Variants in ITGBL1 observed in about 807,000 individuals in gnomAD.
ITGBL1 encodes integrin subunit beta like 1.
In ITGBL1, 51 loss-of-function variants were observed where a neutral mutation model predicts 68.5. That is an observed-to-expected ratio of 0.74 (90% CI 0.59 to 0.94). ITGBL1 has a LOEUF of 0.94. Among genes scored for constraint, ITGBL1 ranks in the 40% least tolerant of loss-of-function variants. ITGBL1 has a pLI of 0.00. For synonymous variants in ITGBL1, 209 were observed against 227.3 expected (o/e 0.92, Z 0.72); for missense variants, 649 against 647.4 (o/e 1.00, Z -0.03).
intron 2 of ITGBL1, among the ~76,000 whole-genome samples, chr13:101,483,469 T>C (rs565351368): frequency 6.6e-6 from 1 of 152,326 alleles, no homozygotes; most frequent in East Asian, 1.9e-4. Context: ...ACTGAAGTTA[T>C]TGATGAAAGA....
intron 3 of ITGBL1, among the ~76,000 whole-genome samples, chr13:101,572,745 G>A (rs1041751308): frequency 1.3e-5 from 2 of 152,060 alleles, no homozygotes; most frequent in African/African-American, 2.4e-5. Flanking sequence ...CCGATGTGTG[G>A]ATGAGAGGGA....
At chr13:101,619,903 C>CCAGT (rs2031516620) in intron 7 of ITGBL1, among the ~76,000 whole-genome samples, 1 of 152,202 alleles carries the variant, frequency 6.6e-6, no homozygotes, top group Non-Finnish European at 1.5e-5. Context: ...TAAAATGAAA[C>CCAGT]CAGTCCTCTT....
rs1006418136 is a variant in ITGBL1 at position 101,479,699 on chromosome 13, T to C, written c.316+25599T>C. On this transcript the variant is annotated intron_variant, in intron 2 of 10. Coordinates refer to ENST00000376180, the MANE Select transcript of ITGBL1 (RefSeq NM_004791.3). ...GACATACAAATAGCAAACAGGCATA[T>C]GAAAAGGTGCTCAACATGACAGATC... Among the ~76,000 whole-genome samples the C allele has an allele frequency of 3.3e-5, 5 of 151,954 alleles. No individual in the cohort carries two copies. In the East Asian group the frequency reaches 9.6e-4, roughly 29 times the overall value.
chr13:101,507,150 A>T (rs530920836), intron 2 of ITGBL1, among the ~76,000 whole-genome samples: 1 of 152,234 alleles, frequency 6.6e-6, no homozygotes, highest in South Asian at 2.1e-4. Flanking sequence ...TTTCCTTGCA[A>T]CTTCATGAAA....
At chr13:101,494,990 A>G (rs968861540) in intron 2 of ITGBL1, among the ~76,000 whole-genome samples, 7 of 152,170 alleles carry the variant, frequency 4.6e-5, no homozygotes, top group African/African-American at 1.4e-4. Context: ...AGTGATGGGG[A>G]TTATTTCACA....
intron 7 of ITGBL1, among the ~76,000 whole-genome samples, chr13:101,611,051 T>C (rs1284689497): frequency 6.6e-6 from 1 of 152,086 alleles, no homozygotes; most frequent in Non-Finnish European, 1.5e-5. Context: ...CTTGTGATGA[T>C]TTAGAAAAAA....
At chr13:101,557,428 C>T (rs1040318009) in intron 2 of ITGBL1, among the ~76,000 whole-genome samples, 6 of 152,130 alleles carry the variant, frequency 3.9e-5, no homozygotes, top group African/African-American at 1.2e-4. Context: ...TAACCAGATT[C>T]CTTGTGCCCC....
intron 7 of ITGBL1, among the ~76,000 whole-genome samples, chr13:101,644,946 G>T (rs1225475115): frequency 6.6e-6 from 1 of 152,170 alleles, no homozygotes; most frequent in Non-Finnish European, 1.5e-5. Flanking sequence ...GAAGATGAAT[G>T]TCATCAAAAT....
At chr13:101,665,566 C>T in intron 7 of ITGBL1, among the ~76,000 whole-genome samples, 1 of 151,992 alleles carries the variant, frequency 6.6e-6, no homozygotes, top group East Asian at 1.9e-4. Context: ...TGAATAATGA[C>T]TGTAGCATTT....
In ITGBL1 at chr13:101,531,603, A is replaced by AT. The variant is rs72456823; in HGVS notation, c.317-36090dup. 4.0e-3 allele frequency among the ~76,000 whole-genome samples: 429 copies of AT among 107,098 alleles called. 6 individuals are homozygous for AT. The highest frequency in any genetic ancestry group is 5.0e-3 in the African/African-American group (137 of 27,218). 70.3% of individuals were successfully genotyped at this position (107,098 alleles called of 152,430 possible). A position where few individuals can be genotyped will look rare whatever the true frequency, so the allele number is the denominator to read the frequency against. ...GCTACACCCGATTACTTCATAGCGT[A>AT]TTTTTTGGGGGGAGGGGATTTACTT... On this transcript the variant is annotated intron_variant, in intron 2 of 10. Transcript: ENST00000376180.
At chr13:101,610,361 T>C (rs1407563909) in intron 7 of ITGBL1, among the ~76,000 whole-genome samples, 1 of 152,158 alleles carries the variant, frequency 6.6e-6, no homozygotes, top group Non-Finnish European at 1.5e-5. Flanking sequence ...TAGAGTCACA[T>C]AGCTGATCAG....
chr13:101,542,164 A>G (rs992276010), intron 2 of ITGBL1, among the ~76,000 whole-genome samples: 2 of 152,136 alleles, frequency 1.3e-5, no homozygotes, highest in African/African-American at 2.4e-5. Context: ...TCAATGTTAG[A>G]TCTTTCCTGC....
At chr13:101,684,410 G>A (rs4274298) in intron 7 of ITGBL1, among the ~76,000 whole-genome samples, 150,286 of 152,016 alleles carry the variant, frequency 0.99, 74,317 homozygotes, top group East Asian at 1. Flanking sequence ...TTTGGTTGTA[G>A]TTACATCGAA....
At chr13:101,646,963 A>G (rs1278768933) in intron 7 of ITGBL1, among the ~76,000 whole-genome samples, 2 of 152,140 alleles carry the variant, frequency 1.3e-5, no homozygotes, top group African/African-American at 2.4e-5. Flanking sequence ...AAGAAATAAT[A>G]GAAATTAAAT....
chr13:101,709,736 G>C (rs576474244), intron 9 of ITGBL1, among the ~76,000 whole-genome samples: 2 of 152,194 alleles, frequency 1.3e-5, no homozygotes, highest in African/African-American at 4.8e-5. Context: ...GTTTGTGTTT[G>C]TGTGTTTACT....
At chr13:101,685,376 G>A (rs79811024) in intron 7 of ITGBL1, among the ~76,000 whole-genome samples, 5,507 of 152,040 alleles carry the variant, frequency 0.036, 351 homozygotes, top group African/African-American at 0.13. Flanking sequence ...ATTTCTGTAT[G>A]TTAATTTTGT....
rs112915267 is a variant in ITGBL1 at position 101,601,731 on chromosome 13, T to C, written c.1015+3432T>C. ...TCAGGAGCAGGTTGTTCTGTTTCCA[T>C]GTAGTTGAGTGGTTTTGAGTGAGTT... On this transcript the variant is annotated intron_variant, in intron 7 of 10. Coordinates refer to ENST00000376180, the MANE Select transcript of ITGBL1 (RefSeq NM_004791.3). Among the ~76,000 whole-genome samples the C allele has an allele frequency of 3.2e-3, 495 of 152,310 alleles. 1 individual carries two copies. Among genetic ancestry groups the C allele is most frequent in the African/African-American group, 0.011 (471 of 41,556 alleles).
At chr13:101,694,458 C>T (rs1050740133) in intron 8 of ITGBL1, among the ~76,000 whole-genome samples, 1 of 151,974 alleles carries the variant, frequency 6.6e-6, no homozygotes, top group African/African-American at 2.4e-5. Flanking sequence ...GAGTCTCACT[C>T]TGTCACCCAG....
At chr13:101,680,948 T>A (rs1234880516) in intron 7 of ITGBL1, among the ~76,000 whole-genome samples, 1 of 152,172 alleles carries the variant, frequency 6.6e-6, no homozygotes, top group African/African-American at 2.4e-5. Context: ...CAACCCCACA[T>A]TATCTTTGCC....
Sources: allele counts gnomAD v4.1 joint callset (sites outside exome capture counted in the v4.1 genomes callset), GRCh38; gene constraint gnomAD v4.1.1; transcripts MANE v1.5; gene names NCBI Gene and HGNC (gene_info 2026-07-23, HGNC 2026-07-21).